MRC1: variants seen among roughly 807,000 people sequenced by gnomAD.
The protein encoded by MRC1 is mannose receptor C-type 1, also known as macrophage mannose receptor 1.
Under a neutral mutation model 102.9 loss-of-function variants are expected in MRC1, and 62 were observed. The ratio of observed to expected loss-of-function variants is 0.60; its 90% CI spans 0.49 to 0.74. The LOEUF (loss-of-function observed/expected upper bound fraction) is 0.74, where lower values mean the gene tolerates loss of function less well. Ranked by LOEUF, MRC1 falls within the 30% of genes least tolerant of loss-of-function variation. The pLI is 0.00. For missense variants in MRC1, 1,237 were observed against 862.8 expected (o/e 1.43, Z -5.43); for synonymous variants, 457 against 298.4 (o/e 1.53, Z -5.48).
chr10:17,880,129 T>C (rs1833493941), intron 19 of MRC1, among the ~76,000 whole-genome samples: 1 of 152,230 alleles, frequency 6.6e-6, no homozygotes, highest in African/African-American at 2.4e-5. Flanking sequence ...CTCTGGCTCC[T>C]TATTATTCTG....
chr10:17,902,609 A>T (rs1392708587), intron 26 of MRC1, among the ~76,000 whole-genome samples: 1 of 152,242 alleles, frequency 6.6e-6, no homozygotes, highest in African/African-American at 2.4e-5. Context: ...TTAAGGGTAC[A>T]TTTAAAAGCC....
At chr10:17,828,570 C>T (rs1353655691) in intron 3 of MRC1, among the ~76,000 whole-genome samples, 1 of 151,356 alleles carries the variant, frequency 6.6e-6, no homozygotes, top group Non-Finnish European at 1.5e-5. Context: ...TGGAGAAAGA[C>T]GTGAAGGTCC....
rs1294497771 is a variant in MRC1, at chr10:17,875,174, C to T, written c.2471C>T (p.Ala824Val). The T allele has an allele frequency of 1.5e-5, 12 of 780,692 alleles. No homozygotes were observed. The highest frequency in any genetic ancestry group is 5.1e-5 in the African/African-American group (3 of 59,122). 48.4% of individuals were successfully genotyped at this position (780,692 alleles called of 1,614,324 possible). The change falls in exon 17 of 30, where the codon GCG becomes GTG. Residue 824 changes from alanine to valine, a missense_variant. By Grantham distance (64) the Ala-to-Val change is moderately conservative. Coordinates refer to ENST00000569591, the MANE Select transcript of MRC1 (RefSeq NM_002438.4). ...AAAGAGAAGGAAACCATGGACAATGCGCGAGCGTTTTGCAAGAGGAATTTT... is the reference window on the plus strand; with the variant it reads ...AAAGAGAAGGAAACCATGGACAATGTGCGAGCGTTTTGCAAGAGGAATTTT... ...FSKEKETMDN[A>V]RAFCKRNFGD...
intron 26 of MRC1, among the ~76,000 whole-genome samples, chr10:17,902,819 G>A (rs1833846138): frequency 6.6e-6 from 1 of 152,130 alleles, no homozygotes; most frequent in Non-Finnish European, 1.5e-5. Context: ...TACAGTGGCA[G>A]TATCTTAGCC....
At chr10:17,890,362 G>T (rs1463442034) in intron 22 of MRC1, among the ~76,000 whole-genome samples, 1 of 152,050 alleles carries the variant, frequency 6.6e-6, no homozygotes, top group African/African-American at 2.4e-5. Context: ...TTTGCTGTCA[G>T]TCGTTAATTT....
At chr10:17,870,790 G>A (rs922036727) in intron 13 of MRC1, 58 bp from the exon 14 acceptor site, 5 of 863,936 alleles carry the variant, frequency 5.8e-6, no homozygotes, top group Non-Finnish European at 1.0e-5. Context: ...GTCCTCATAA[G>A]TTACTGAACT....
In MRC1 at chr10:17,911,036, A is replaced by G. The variant is rs1833962255; in HGVS notation, c.*571A>G. 1 of 162,772 alleles carries G rather than the reference A, an allele frequency of 6.1e-6. No individual in the cohort carries two copies. Among genetic ancestry groups the G allele is most frequent in the Non-Finnish European group, 1.4e-5 (1 of 73,524 alleles). 10.1% of individuals were successfully genotyped at this position (162,772 alleles called of 1,614,324 possible). A position where few individuals can be genotyped will look rare whatever the true frequency, so the allele number is the denominator to read the frequency against. On this transcript the variant is annotated 3_prime_UTR_variant, in exon 30 of 30. Transcript: ENST00000569591. ...GAGTTTTACAGGCTGAGTGTTGCAA[A>G]TGTGTTCTTTGTCCTGTTATATGTA...
intron 6 of MRC1, among the ~76,000 whole-genome samples, chr10:17,847,449 C>T (rs1838842567): frequency 6.6e-6 from 1 of 152,220 alleles, no homozygotes. Context: ...AGTTTCTGAA[C>T]ATCTCTATAC....
At chr10:17,901,406 G>C (rs1371483777) in intron 25 of MRC1, among the ~76,000 whole-genome samples, 1 of 152,112 alleles carries the variant, frequency 6.6e-6, no homozygotes, top group Admixed American at 6.6e-5. Context: ...ATTTATCTTT[G>C]GGCCGGGTGC....
intron 26 of MRC1, among the ~76,000 whole-genome samples, chr10:17,904,654 T>C (rs1448114410): frequency 6.6e-6 from 1 of 152,210 alleles, no homozygotes. Flanking sequence ...AGGATCTGTC[T>C]GTGTGTTGGG....
chr10:17,867,382 T>C (rs1247756882), intron 12 of MRC1, among the ~76,000 whole-genome samples: 19 of 123,742 alleles, frequency 1.5e-4, no homozygotes, highest in African/African-American at 3.7e-4. Context: ...TTCTTCTTCT[T>C]CTTCTCCTTC....
Position 17,863,648 on chromosome 10 carries a change from G to T in MRC1, c.1749G>T (p.Glu583Asp). Reference protein sequence around the residue: ...KGTFQWTIEEEVRFTHWNSDM... With the variant: ...KGTFQWTIEEDVRFTHWNSDM... ...CTTTTCAGTGGACCATCGAGGAAGA[G>T]GTTCGGTTCACCCACTGGAATTCAG... The change falls in exon 11 of 30, where the codon GAG (glutamate) becomes GAT (aspartate). Residue 583 changes from glutamate (E) to aspartate (D), a missense_variant. Physicochemically the swap from Glu to Asp is conservative, Grantham distance 45. Coordinates refer to ENST00000569591, the MANE Select transcript of MRC1 (RefSeq NM_002438.4). The T allele has an allele frequency of 1.3e-6, 1 of 780,820 alleles. No homozygotes were observed. The highest frequency in any genetic ancestry group is 1.3e-5 in the South Asian group (1 of 74,616). The allele number at this position is 780,820 out of a possible 1,614,324, so 48.4% of individuals were successfully genotyped here.
At position 17,880,654 on chromosome 10, in the gene MRC1, ATT is replaced by A; in HGVS notation, c.2851_2852del (p.Phe951LeufsTer39). On this transcript the variant is annotated frameshift_variant, in exon 20 of 30. Coordinates refer to ENST00000569591, the MANE Select transcript of MRC1 (RefSeq NM_002438.4). LOFTEE classifies it high-confidence loss of function. ...CCATCAGGGTGCAAGGAAGGTTGGA[ATT>A]TCTACAGCAACAAGGTACTAGGAAA... is the stretch of plus-strand genomic sequence containing the variant. The A allele has an allele frequency of 5.1e-6, 4 of 780,854 alleles. No individual in the cohort carries two copies. Among genetic ancestry groups the A allele is most frequent in the Non-Finnish European group, 9.6e-6 (4 of 417,940 alleles). 48.4% of individuals were successfully genotyped at this position (780,854 alleles called of 1,614,324 possible). A position where few individuals can be genotyped will look rare whatever the true frequency, so the allele number is the denominator to read the frequency against.
intron 6 of MRC1, 48 bp downstream of exon 6, chr10:17,845,483 G>T: frequency 2.6e-6 from 2 of 779,724 alleles, no homozygotes; most frequent in South Asian, 1.3e-5. Context: ...AGAATTGAAA[G>T]ATAAGTAACA....
intron 17 of MRC1, among the ~76,000 whole-genome samples, chr10:17,876,040 A>C (rs961095730): frequency 2.0e-5 from 3 of 152,104 alleles, no homozygotes; most frequent in Non-Finnish European, 4.4e-5. Context: ...TTTTTCATAG[A>C]ACATCATTGA....
At chr10:17,870,964 T>C (rs1833347178) in intron 14 of MRC1, 29 bp downstream of exon 14, 3 of 864,678 alleles carry the variant, frequency 3.5e-6, no homozygotes, top group Non-Finnish European at 6.0e-6. Context: ...TATATAACTT[T>C]CTTACTTTAT....
chr10:17,837,664 T>G (rs1261803004), intron 4 of MRC1, among the ~76,000 whole-genome samples: 2 of 152,086 alleles, frequency 1.3e-5, no homozygotes, highest in African/African-American at 4.8e-5. Flanking sequence ...AGTCTCACTC[T>G]GTCGCCCGGG....
Position 17,845,354 on chromosome 10 carries a change from G to T in MRC1, c.982G>T (p.Glu328Ter). The T allele has an allele frequency of 1.3e-6, 1 of 780,820 alleles. No homozygotes were observed. Among genetic ancestry groups the T allele is most frequent in the South Asian group, 1.3e-5 (1 of 74,606 alleles). 48.4% of individuals were successfully genotyped at this position (780,820 alleles called of 1,614,324 possible). Residue 328 changes from glutamate (E) to a stop codon, truncating the protein, a stop_gained, in exon 6 of 30, where the codon GAA (glutamate) becomes TAA (stop). Coordinates refer to ENST00000569591, the MANE Select transcript of MRC1 (RefSeq NM_002438.4). LOFTEE classifies it high-confidence loss of function. ...SLNPGKNAKW[E>*]NLECVQKLGY... ...AAATCCTGGAAAAAATGCTAAATGG[G>T]AAAATCTGGAATGTGTTCAGAAACT...
At chr10:17,866,802 T>C (rs1833275203) in intron 12 of MRC1, 41 bp downstream of exon 12, 1 of 780,618 alleles carries the variant, frequency 1.3e-6, no homozygotes, top group African/African-American at 1.7e-5. Context: ...ATCTGGAGTA[T>C]GCTTCAGCCT....
Sources: allele counts gnomAD v4.1 joint callset (sites outside exome capture counted in the v4.1 genomes callset), GRCh38; gene constraint gnomAD v4.1.1; transcripts MANE v1.5; gene names NCBI Gene and HGNC (gene_info 2026-07-23, HGNC 2026-07-21).